Variants in ZNF704 observed in about 807,000 individuals in gnomAD.
ZNF704 encodes zinc finger protein 704.
A neutral mutation model predicts 44.7 loss-of-function variants in ZNF704; 10 were observed. That is an observed-to-expected ratio of 0.22 (90% confidence interval 0.14 to 0.38). The LOEUF (loss-of-function observed/expected upper bound fraction) is 0.38, where lower values mean the gene tolerates loss of function less well. Among genes scored for constraint, ZNF704 ranks in the 10% least tolerant of loss-of-function variants. The pLI is 1.00. For missense variants in ZNF704, 390 were observed against 545.5 expected, an observed-to-expected ratio of 0.71 and a Z score of 2.84; for synonymous variants, 211 against 207.6, an observed-to-expected ratio of 1.02 and a Z score of -0.14.
intron 2 of ZNF704, among the ~76,000 whole-genome samples, chr8:80,774,403 A>G (rs1807376236): frequency 6.6e-6 from 1 of 152,110 alleles, no homozygotes; most frequent in South Asian, 2.1e-4. Context: ...TTTCTTTGCC[A>G]TGCCTCTGGC....
chr8:80,644,224 C>A (rs1191197682), intron 7 of ZNF704, among the ~76,000 whole-genome samples: 2 of 152,026 alleles, frequency 1.3e-5, no homozygotes, highest in African/African-American at 4.8e-5. Flanking sequence ...GATGGTAGAC[C>A]CAGGGCTGTG....
chr8:80,657,693 GAAAA>G, intron 7 of ZNF704, among the ~76,000 whole-genome samples: 1 of 78,330 alleles, frequency 1.3e-5, no homozygotes, highest in African/African-American at 3.5e-5. Context: ...CCTGTTTCAA[GAAAA>G]AAAAAAAAAA....
At chr8:80,779,912 TTAA>T (rs1347809188) in intron 2 of ZNF704, among the ~76,000 whole-genome samples, 1 of 149,902 alleles carries the variant, frequency 6.7e-6, no homozygotes, top group East Asian at 1.9e-4. Context: ...AATAATAATA[TTAA>T]TATTATAATA....
chr8:80,838,383 G>C (rs1306233294), intron 1 of ZNF704, among the ~76,000 whole-genome samples: 1 of 152,068 alleles, frequency 6.6e-6, no homozygotes, highest in Non-Finnish European at 1.5e-5. Flanking sequence ...AATTTCTCTG[G>C]GCAGAAACAG....
intron 1 of ZNF704, among the ~76,000 whole-genome samples, chr8:80,838,190 TG>T (rs1808613367): frequency 6.6e-6 from 1 of 152,180 alleles, no homozygotes; most frequent in Admixed American, 6.5e-5. Flanking sequence ...ATCTTCTTCA[TG>T]GGTTAAATAG....
At chr8:80,692,004 C>T (rs991405848) in intron 3 of ZNF704, among the ~76,000 whole-genome samples, 2 of 152,218 alleles carry the variant, frequency 1.3e-5, no homozygotes, top group East Asian at 3.8e-4. Flanking sequence ...TCTACCTGCA[C>T]TGTGACCACC....
intron 1 of ZNF704, among the ~76,000 whole-genome samples, chr8:80,845,051 G>A (rs948238115): frequency 1.3e-5 from 2 of 152,038 alleles, no homozygotes; most frequent in African/African-American, 4.8e-5. Flanking sequence ...TGATCTGAAT[G>A]GAAGTTACAG....
At chr8:80,822,168 C>T (rs62515125) in intron 1 of ZNF704, among the ~76,000 whole-genome samples, 2,167 of 152,182 alleles carry the variant, frequency 0.014, 23 homozygotes, top group Non-Finnish European at 0.023. Context: ...ATGTGCACAA[C>T]GTGCAGGTTT....
At chr8:80,750,357 TA>T (rs5892739) in intron 2 of ZNF704, among the ~76,000 whole-genome samples, 6 of 146,866 alleles carry the variant, frequency 4.1e-5, no homozygotes, top group Non-Finnish European at 3.0e-5. Context: ...GTAGCTACAC[TA>T]AAAAAAAAAG....
chr8:80,697,981 GTC>G (rs1818752543), intron 2 of ZNF704, among the ~76,000 whole-genome samples: 1 of 152,214 alleles, frequency 6.6e-6, no homozygotes, highest in Non-Finnish European at 1.5e-5. Flanking sequence ...AGAGTTTCCA[GTC>G]GGTGCTTTGG....
rs1817610743 is a variant in ZNF704, at chr8:80,632,945, T to C, written c.*8421A>G. On this transcript the variant is annotated 3_prime_UTR_variant, in exon 9 of 9. Coordinates refer to ENST00000327835, the MANE Select transcript of ZNF704 (RefSeq NM_001033723.3). ...TGATGTAGGAGTCTGGCCAAAAAGT[T>C]TTTTTTTGAGGCTCCTTCTAGCTCC... 1 of 152,130 alleles carries C rather than the reference T, an allele frequency of 6.6e-6. No individual in the cohort carries two copies. Among genetic ancestry groups the C allele is most frequent in the South Asian group, 2.1e-4 (1 of 4,830 alleles). The allele number at this position is 152,130 out of a possible 1,614,324, so 9.4% of individuals were successfully genotyped here.
chr8:80,687,665 C>A (rs557890700), intron 3 of ZNF704, among the ~76,000 whole-genome samples: 6 of 152,234 alleles, frequency 3.9e-5, no homozygotes, highest in African/African-American at 1.4e-4. Flanking sequence ...ATTATTTTAA[C>A]CTCATGATAA....
intron 2 of ZNF704, among the ~76,000 whole-genome samples, chr8:80,705,373 TTGTG>T (rs112488774): frequency 2.0e-5 from 3 of 151,130 alleles, no homozygotes; most frequent in Admixed American, 6.6e-5. Context: ...TGTCGGGGCC[TTGTG>T]TGTGTGTGTC....
At position 80,640,392 on chromosome 8, in the gene ZNF704, A is replaced by C. The variant is rs1817723850; in HGVS notation, c.*974T>G. On this transcript the variant is annotated 3_prime_UTR_variant, in exon 9 of 9. Transcript: ENST00000327835. ...GTTTGGAGTTCTCTACCTCTTCTGA[A>C]ATCAGTCAGTGGTGGAGTCTGGAGA... is the stretch of plus-strand genomic sequence containing the variant. 1 of 152,612 alleles carries C rather than the reference A, an allele frequency of 6.6e-6. No individual in the cohort carries two copies. The highest frequency in any genetic ancestry group is 6.5e-5 in the Admixed American group (1 of 15,278). 9.5% of individuals were successfully genotyped at this position (152,612 alleles called of 1,614,324 possible). A position where few individuals can be genotyped will look rare whatever the true frequency, so the allele number is the denominator to read the frequency against.
At chr8:80,751,962 T>C (rs144780988) in intron 2 of ZNF704, among the ~76,000 whole-genome samples, 1 of 152,170 alleles carries the variant, frequency 6.6e-6, no homozygotes, top group African/African-American at 2.4e-5. Context: ...CAGGCTGGTC[T>C]CAAACTCCTG....
chr8:80,878,199 G>A (rs558770009), upstream of ZNF704, among the ~76,000 whole-genome samples: 36 of 150,726 alleles, frequency 2.4e-4, 1 homozygote, highest in South Asian at 7.3e-3. Flanking sequence ...TGAGTTCTGA[G>A]CCCTAAAGAT....
intron 2 of ZNF704, among the ~76,000 whole-genome samples, chr8:80,742,132 G>A (rs533842163): frequency 5.3e-5 from 8 of 152,126 alleles, no homozygotes; most frequent in East Asian, 3.9e-4. Flanking sequence ...TTACACTGCC[G>A]GGGTCATCAG....
At chr8:80,818,175 G>A (rs1361546872) in intron 2 of ZNF704, among the ~76,000 whole-genome samples, 1 of 152,020 alleles carries the variant, frequency 6.6e-6, no homozygotes, top group Non-Finnish European at 1.5e-5. Context: ...TTACAAACCA[G>A]AGAAAGTAAA....
intron 1 of ZNF704, among the ~76,000 whole-genome samples, chr8:80,828,532 C>T (rs1808417771): frequency 6.6e-6 from 1 of 152,138 alleles, no homozygotes; most frequent in Non-Finnish European, 1.5e-5. Flanking sequence ...GCCTGTGATA[C>T]AATCCATTTC....
Sources: allele counts gnomAD v4.1 joint callset (sites outside exome capture counted in the v4.1 genomes callset), GRCh38; gene constraint gnomAD v4.1.1; transcripts MANE v1.5; gene names NCBI Gene and HGNC (gene_info 2026-07-23, HGNC 2026-07-21).